The following PCDHA7 variants were observed in gnomAD, a reference collection of about 807,000 sequenced individuals.
PCDHA7 encodes the protein protocadherin alpha 7.
PCDHA7 carries 37 observed loss-of-function variants against 57.2 expected under a neutral mutation model. That is an observed-to-expected ratio of 0.65 (90% CI 0.50 to 0.85). PCDHA7 has a LOEUF of 0.85. Among genes scored for constraint, PCDHA7 ranks in the 40% least tolerant of loss-of-function variants. PCDHA7 has a pLI of 0.00. For missense variants in PCDHA7, 1,188 were observed against 1,241.8 expected (o/e 0.96, Z 0.65); for synonymous variants, 553 against 558.8 (o/e 0.99, Z 0.15).
intron 1 of PCDHA7, among the ~76,000 whole-genome samples, chr5:140,948,853 C>T (rs1385628610): frequency 6.6e-6 from 1 of 151,298 alleles, no homozygotes; most frequent in Non-Finnish European, 1.5e-5. Context: ...TATTTGCCTT[C>T]TTATATTACT....
chr5:140,994,217 T>G (rs781792763), intron 3 of PCDHA7, among the ~76,000 whole-genome samples: 2 of 152,110 alleles, frequency 1.3e-5, no homozygotes, highest in Non-Finnish European at 2.9e-5. Flanking sequence ...GGACCCAGGG[T>G]CTGTCTATGT....
chr5:140,851,595 G>C (rs1470017891), intron 1 of PCDHA7: 1 of 919,210 alleles, frequency 1.1e-6, no homozygotes, highest in South Asian at 5.0e-5. Context: ...TTGAAATTCA[G>C]TTTACAGAAA....
intron 1 of PCDHA7, chr5:140,870,487 T>A: frequency 6.2e-7 from 1 of 1,614,204 alleles, no homozygotes. Flanking sequence ...GTACACCGTG[T>A]TCGTGAAGGA....
intron 3 of PCDHA7, among the ~76,000 whole-genome samples, chr5:141,000,764 A>G (rs1371396511): frequency 2.0e-5 from 3 of 151,808 alleles, no homozygotes; most frequent in Non-Finnish European, 4.4e-5. Context: ...AATCTTAGCC[A>G]GGCATAGTGG....
chr5:140,860,923 G>A (rs1419430467), intron 1 of PCDHA7: 5 of 152,248 alleles, frequency 3.3e-5, no homozygotes, highest in African/African-American at 9.7e-5. Flanking sequence ...ATTTTTAGTA[G>A]AGACGAGGTT....
chr5:140,944,316 T>C lies in PCDHA7; in HGVS notation c.2356-34633T>C, dbSNP rs140163712. On this transcript the variant is annotated intron_variant, in intron 1 of 3. Coordinates refer to ENST00000525929, the MANE Select transcript of PCDHA7 (RefSeq NM_018910.3). ...GATCCTCCTACCTCAGCCTCCTGAG[T>C]AGCTGGGATTACAAGCACGTGCCAC... 4.3e-3 allele frequency among the ~76,000 whole-genome samples: 654 copies of C among 152,070 alleles called. 5 individuals carry two copies. The highest frequency in any genetic ancestry group is 5.5e-3 in the Non-Finnish European group (376 of 67,970).
At chr5:140,889,169 G>A (rs2062128594) in intron 1 of PCDHA7, among the ~76,000 whole-genome samples, 1 of 151,182 alleles carries the variant, frequency 6.6e-6, no homozygotes, top group African/African-American at 2.4e-5. Flanking sequence ...AAGTATTCAA[G>A]TTATAAATAA....
intron 2 of PCDHA7, among the ~76,000 whole-genome samples, chr5:140,981,149 G>T (rs2096919822): frequency 6.6e-6 from 1 of 152,202 alleles, no homozygotes; most frequent in South Asian, 2.1e-4. Flanking sequence ...AGAAAACATT[G>T]AACTTATATG....
rs568088223 is a variant in PCDHA7, at chr5:140,879,577, G to T, written c.2355+42839G>T. ...ATCCATGAAAGAATAAAATTGCCAA[G>T]ACAGACATTGAAAAGTGAAAAACAA... is the stretch of plus-strand genomic sequence containing the variant. On this transcript the variant is annotated intron_variant, in intron 1 of 3. Transcript: ENST00000525929. Among the ~76,000 whole-genome samples, 5 of 152,302 alleles carry T rather than the reference G, an allele frequency of 3.3e-5. No homozygotes were observed. In the South Asian group the frequency reaches 1.0e-3, roughly 32 times the overall value.
rs140660802 is a variant in PCDHA7 at position 140,849,759 on chromosome 5, G to C, written c.2355+13021G>C. 47 of 1,598,444 alleles carry C rather than the reference G, an allele frequency of 2.9e-5. 6 individuals are homozygous for C. Among genetic ancestry groups the C allele is most frequent in the Non-Finnish European group, 4.0e-5 (47 of 1,167,970 alleles). ...GGACCGCGAGAGTGTGTCCGCCTAC[G>C]AGCTGGTGGTTACCGCGCGGGACGG... On this transcript the variant is annotated intron_variant, in intron 1 of 3. Coordinates refer to ENST00000525929, the MANE Select transcript of PCDHA7 (RefSeq NM_018910.3).
intron 1 of PCDHA7, chr5:140,969,258 A>G (rs782513796): frequency 9.3e-6 from 15 of 1,614,106 alleles, no homozygotes; most frequent in Admixed American, 8.3e-5. Context: ...GACAGCAGGA[A>G]TCTCACAGGC....
chr5:140,900,062 A>C (rs1221394657), intron 1 of PCDHA7, among the ~76,000 whole-genome samples: 1 of 152,138 alleles, frequency 6.6e-6, no homozygotes, highest in Non-Finnish European at 1.5e-5. Flanking sequence ...CTTTAACCTC[A>C]GCCTCCAAAA....
At position 140,836,596 on chromosome 5, in the gene PCDHA7, C is replaced by G; in HGVS notation, c.2213C>G (p.Thr738Ser). The change falls in exon 1 of 4, where the codon ACT (threonine) becomes AGT (serine). Residue 738 changes from threonine (T) to serine (S), a missense_variant. By Grantham distance (58) the Thr-to-Ser change is moderately conservative. Around this residue, in one of 3 missense-constraint regions of PCDHA7, gnomAD observed 892 missense variants for 788.5 expected, o/e 1.13. Transcript: ENST00000525929. ...GGCGCATGTAGTTTGGTAAAGCCCACTCTGGTGTGCTCCAGCGCGGTGGGG... is the reference window on the plus strand; with the variant it reads ...GGCGCATGTAGTTTGGTAAAGCCCAGTCTGGTGTGCTCCAGCGCGGTGGGG... ...SEGACSLVKPTLVCSSAVGSW... is the reference protein window; with the variant it reads ...SEGACSLVKPSLVCSSAVGSW... 1 of 1,613,764 alleles carries G rather than the reference C, an allele frequency of 6.2e-7. No individual in the cohort carries two copies. The highest frequency in any genetic ancestry group is 1.1e-5 in the South Asian group (1 of 91,066).
Position 140,857,130 on chromosome 5 carries a change from A to T in PCDHA7, c.2355+20392A>T, listed in dbSNP as rs1554149562. 6.3e-7 allele frequency: 1 copy of T among 1,598,310 alleles called. No individual in the cohort carries two copies. The highest frequency in any genetic ancestry group is 8.6e-7 in the Non-Finnish European group (1 of 1,167,812). On this transcript the variant is annotated intron_variant, in intron 1 of 3. Coordinates refer to ENST00000525929, the MANE Select transcript of PCDHA7 (RefSeq NM_018910.3). Reference sequence around the variant, plus strand: ...TCTCTGTCTCTCCCAGTGAAAGAAGATGCTCAAGTGGGCACCGTCATTGCC... The same window carrying T: ...TCTCTGTCTCTCCCAGTGAAAGAAGTTGCTCAAGTGGGCACCGTCATTGCC...
intron 1 of PCDHA7, chr5:140,967,281 C>G: frequency 2.5e-6 from 4 of 1,613,102 alleles, no homozygotes; most frequent in Non-Finnish European, 3.4e-6. Flanking sequence ...ATAGAGAGTG[C>G]GCAGGACCCC....
chr5:140,985,228 C>G (rs1022229644), intron 3 of PCDHA7, among the ~76,000 whole-genome samples: 4 of 152,156 alleles, frequency 2.6e-5, no homozygotes, highest in Non-Finnish European at 4.4e-5. Context: ...TGAGCCACCG[C>G]GCCTGGCCTA....
chr5:140,988,332 A>G (rs2097293198), intron 3 of PCDHA7, among the ~76,000 whole-genome samples: 1 of 152,230 alleles, frequency 6.6e-6, no homozygotes, highest in Non-Finnish European at 1.5e-5. Context: ...ACCCGAGGAA[A>G]GTAAGTCCTT....
At position 140,841,125 on chromosome 5, in the gene PCDHA7, C is replaced by T. The variant is rs2150311446; in HGVS notation, c.2355+4387C>T. 38 of 651,618 alleles carry T rather than the reference C, an allele frequency of 5.8e-5. No individual in the cohort carries two copies. In the African/African-American group the frequency reaches 6.2e-4, roughly 11 times the overall value. 40.4% of individuals were successfully genotyped at this position (651,618 alleles called of 1,614,324 possible). A position where few individuals can be genotyped will look rare whatever the true frequency, so the allele number is the denominator to read the frequency against. ...GCGGAAGTAATTCATGTAATCATTACCTTTTGAAGCCACATGATGTCGCTG... is the reference window on the plus strand; with the variant it reads ...GCGGAAGTAATTCATGTAATCATTATCTTTTGAAGCCACATGATGTCGCTG... On this transcript the variant is annotated intron_variant, in intron 1 of 3. Transcript: ENST00000525929.
chr5:140,979,006 A>G lies in PCDHA7; in HGVS notation c.2413A>G (p.Ser805Gly), dbSNP rs149397164. ...TGCCTCCCTGAGAGCAGGCATGCAC[A>G]GGTATGTATTTCCCTCCTCATTCAC... ...YSASLRAGMH[S>G]SVHLEEAGIL... Residue 805 changes from serine (S) to glycine (G), a missense_variant and splice_region_variant, in exon 2 of 4, where the codon AGC becomes GGC. Ser to Gly is a moderately conservative substitution (Grantham distance 56). This residue lies in a region of PCDHA7 where 892 missense variants were observed against 788.5 expected (regional missense o/e 1.13). Coordinates refer to ENST00000525929, the MANE Select transcript of PCDHA7 (RefSeq NM_018910.3). The G allele has an allele frequency of 4.3e-6, 7 of 1,614,000 alleles. No individual in the cohort carries two copies. The highest frequency in any genetic ancestry group is 5.1e-6 in the Non-Finnish European group (6 of 1,179,938).
Sources: gnomAD v4.1 joint callset for allele counts (sites outside exome capture counted in the v4.1 genomes callset) on GRCh38, gnomAD v4.1.1 for gene constraint, gnomAD v4.1.1 regional missense constraint, MANE v1.5 for transcripts, NCBI Gene and HGNC (gene_info 2026-07-23, HGNC 2026-07-21) for gene names.